Variants in ASNS observed in about 807,000 individuals in gnomAD.
ASNS encodes asparagine synthetase (glutamine-hydrolyzing).
ASNS carries 37 observed loss-of-function variants against 62.6 expected under a neutral mutation model. That is an observed-to-expected ratio of 0.59 (90% CI 0.45 to 0.78). ASNS has a LOEUF of 0.78. Among genes scored for constraint, ASNS ranks in the 30% least tolerant of loss-of-function variants. ASNS has a pLI of 0.00. For missense variants in ASNS, 520 were observed against 682.4 expected, an observed-to-expected ratio of 0.76 and a Z score of 2.65; for synonymous variants, 207 against 237.9, an observed-to-expected ratio of 0.87 and a Z score of 1.19.
the ASNS span, among the ~76,000 whole-genome samples, chr7:97,902,339 A>AT: frequency 6.6e-6 from 1 of 152,010 alleles, no homozygotes; most frequent in Non-Finnish European, 1.5e-5. Context: ...ATTACGACCA[A>AT]TTTTTCTAAA....
At chr7:97,882,098 C>A in the ASNS span, among the ~76,000 whole-genome samples, 2 of 152,078 alleles carry the variant, frequency 1.3e-5, no homozygotes, top group African/African-American at 4.8e-5. Context: ...ATGATCCACC[C>A]ACCTCAGCCT....
rs370462068 is a variant in ASNS, at chr7:97,853,431, G to C, written c.1239-45C>G. 3.4e-5 allele frequency: 51 copies of C among 1,506,490 alleles called. No homozygotes were observed. In the Middle Eastern group the frequency reaches 1.4e-3, roughly 42 times the overall value. The allele number at this position is 1,506,490 out of a possible 1,614,324, so 93.3% of individuals were successfully genotyped here. Reference sequence around the variant, plus strand: ...AAATCTAAATTAAAATGGGTATTTAGTGCCTGCCAGGTTAGGTTCTGATTC... The same window carrying C: ...AAATCTAAATTAAAATGGGTATTTACTGCCTGCCAGGTTAGGTTCTGATTC... On this transcript the variant is annotated intron_variant, in intron 10 of 12. Coordinates refer to ENST00000394308, the MANE Select transcript of ASNS (RefSeq NM_001673.5).
chr7:97,897,352 C>A, the ASNS span, among the ~76,000 whole-genome samples: 1 of 152,180 alleles, frequency 6.6e-6, no homozygotes, highest in Admixed American at 6.5e-5. Context: ...GCAAAGAGTT[C>A]ATGGTGAAGA....
the ASNS span, among the ~76,000 whole-genome samples, chr7:97,924,033 C>A: frequency 6.6e-6 from 1 of 152,060 alleles, no homozygotes; most frequent in Non-Finnish European, 1.5e-5. Flanking sequence ...TCCCTATGGT[C>A]CAAAGTCTTT....
At chr7:97,893,220 T>A in the ASNS span, among the ~76,000 whole-genome samples, 2 of 152,250 alleles carry the variant, frequency 1.3e-5, no homozygotes, top group African/African-American at 4.8e-5. Flanking sequence ...AAGAATAGCA[T>A]GGGAAATACC....
chr7:97,870,707 G>A (rs943963529), intron 1 of ASNS, among the ~76,000 whole-genome samples: 3 of 152,200 alleles, frequency 2.0e-5, no homozygotes, highest in Admixed American at 2.0e-4. Context: ...ATCTGCCTTT[G>A]ACTCTATATC....
At chr7:97,877,095 C>T (rs1792455819), upstream of ASNS, among the ~76,000 whole-genome samples, 1 of 120,454 alleles carries the variant, frequency 8.3e-6, no homozygotes, top group Non-Finnish European at 1.7e-5. Flanking sequence ...CATTTAACTT[C>T]TTTTTTTTTT....
chr7:97,928,270 T>C, the ASNS span: 3 of 1,522,772 alleles, frequency 2.0e-6, no homozygotes, highest in Admixed American at 3.9e-5. Context: ...GGCTTGCCAG[T>C]GGCTTTGGAG....
intron 3 of ASNS, among the ~76,000 whole-genome samples, chr7:97,867,489 T>G (rs1293301665): frequency 2.0e-5 from 3 of 152,218 alleles, no homozygotes; most frequent in Non-Finnish European, 1.5e-5. Flanking sequence ...ATTTTCAAAA[T>G]ATTTAACTTC....
Position 97,852,103 on chromosome 7 carries a change from T to C in ASNS, c.*156A>G. The C allele has an allele frequency of 3.9e-6, 3 of 771,700 alleles. No individual in the cohort carries two copies. The highest frequency in any genetic ancestry group is 1.7e-5 in the African/African-American group (1 of 57,246). 47.8% of individuals were successfully genotyped at this position (771,700 alleles called of 1,614,324 possible). On this transcript the variant is annotated 3_prime_UTR_variant, in exon 13 of 13. Coordinates refer to ENST00000394308, the MANE Select transcript of ASNS (RefSeq NM_001673.5). ...AGTTACCTCTTATGAAGAGACTGCA[T>C]GAACATAAATGACTACAGCAATGGT... is the stretch of plus-strand genomic sequence containing the variant.
At chr7:97,880,694 AC>A in the ASNS span, among the ~76,000 whole-genome samples, 3 of 152,054 alleles carry the variant, frequency 2.0e-5, no homozygotes, top group African/African-American at 4.8e-5. Context: ...TGTAAAAATT[AC>A]CCCCCAAAGA....
chr7:97,889,723 G>T, the ASNS span, among the ~76,000 whole-genome samples: 91 of 151,580 alleles, frequency 6.0e-4, 1 homozygote, highest in Non-Finnish European at 1.6e-4. Flanking sequence ...AAAATTGGAA[G>T]AAATGACTGT....
the ASNS span, among the ~76,000 whole-genome samples, chr7:97,887,432 T>A: frequency 1.3e-5 from 2 of 152,382 alleles, no homozygotes; most frequent in South Asian, 2.1e-4. Flanking sequence ...CTGTCATTTG[T>A]CTCTGCAGTT....
At chr7:97,928,118 C>T in the ASNS span, 4 of 1,531,460 alleles carry the variant, frequency 2.6e-6, no homozygotes, top group South Asian at 4.8e-5. Context: ...TGCCGGTCTC[C>T]TCCCTGCCCG....
chr7:97,888,846 G>T, the ASNS span, among the ~76,000 whole-genome samples: 6 of 152,188 alleles, frequency 3.9e-5, no homozygotes, highest in African/African-American at 1.4e-4. Flanking sequence ...CCATCTGGGG[G>T]CCTGGAGATT....
the ASNS span, among the ~76,000 whole-genome samples, chr7:97,900,378 A>AAC: frequency 2.0e-5 from 3 of 150,254 alleles, no homozygotes; most frequent in Admixed American, 6.6e-5. Flanking sequence ...AAAAAAAAAA[A>AAC]AAAAAACAGA....
chr7:97,852,807 A>ACTC (rs1791247683), intron 12 of ASNS, among the ~76,000 whole-genome samples: 1 of 152,184 alleles, frequency 6.6e-6, no homozygotes, highest in South Asian at 2.1e-4. Context: ...TCTAGATGCT[A>ACTC]CTTTATAATC....
In ASNS at chr7:97,858,922, CT is replaced by C. The variant is rs1791584683; in HGVS notation, c.706del (p.Arg236GlyfsTer8). 17 of 1,613,520 alleles carry C rather than the reference CT, an allele frequency of 1.1e-5. No individual in the cohort carries two copies. The highest frequency in any genetic ancestry group is 1.3e-5 in the Non-Finnish European group (15 of 1,179,908). On this transcript the variant is annotated frameshift_variant, in exon 6 of 13. Coordinates refer to ENST00000394308, the MANE Select transcript of ASNS (RefSeq NM_001673.5). LOFTEE classifies it high-confidence loss of function. ...CTTTACAGCATTATTAAAAAGGATC[CT>C]GAGGTTGTTCTTCACAGTTTCTATC... is the stretch of plus-strand genomic sequence containing the variant. Reference protein sequence around the residue: ...FEIETVKNNLRILFNNAVKKR... With the variant: ...FEIETVKNNLXILFNNAVKKR...
chr7:97,903,323 A>AT, the ASNS span, among the ~76,000 whole-genome samples: 2 of 147,604 alleles, frequency 1.4e-5, no homozygotes, highest in African/African-American at 5.0e-5. Flanking sequence ...TTTTCAAGTG[A>AT]TTTTTTTCTT....
Sources: gnomAD v4.1 joint callset for allele counts (sites outside exome capture counted in the v4.1 genomes callset) on GRCh38, gnomAD v4.1.1 for gene constraint, MANE v1.5 for transcripts, NCBI Gene and HGNC (gene_info 2026-07-23, HGNC 2026-07-21) for gene names.